Variants in SAMD12 observed in about 807,000 individuals in gnomAD.
The protein encoded by SAMD12 is sterile alpha motif domain-containing protein 12.
A neutral mutation model predicts 15.0 loss-of-function variants in SAMD12; 9 were observed. That is an observed-to-expected ratio of 0.60 (90% CI 0.36 to 1.05). The LOEUF is 1.05. Ranked by LOEUF, SAMD12 falls within the 50% of genes least tolerant of loss-of-function variation. The pLI, the probability that SAMD12 is intolerant of heterozygous loss-of-function variation, is 0.01. For synonymous variants in SAMD12, 86 were observed against 90.1 expected (o/e 0.96, Z 0.25); for missense variants, 230 against 234.2 (o/e 0.98, Z 0.12).
chr8:118,391,795 G>A (rs1490891500), intron 3 of SAMD12, among the ~76,000 whole-genome samples: 1 of 152,180 alleles, frequency 6.6e-6, no homozygotes, highest in Non-Finnish European at 1.5e-5. Context: ...AGAAGAGACA[G>A]TAACATACTT....
intron 2 of SAMD12, among the ~76,000 whole-genome samples, chr8:118,501,377 A>G (rs1824777196): frequency 6.6e-6 from 1 of 152,224 alleles, no homozygotes; most frequent in East Asian, 1.9e-4. Flanking sequence ...AATTAGCTTG[A>G]TTTAGCCATT....
At chr8:118,283,761 A>C (rs1813778271) in intron 4 of SAMD12, among the ~76,000 whole-genome samples, 1 of 152,194 alleles carries the variant, frequency 6.6e-6, no homozygotes, top group African/African-American at 2.4e-5. Flanking sequence ...ATGGGCAAAG[A>C]CTTTAAAGAG....
At chr8:118,337,704 T>G (rs1817153268) in intron 4 of SAMD12, among the ~76,000 whole-genome samples, 2 of 152,220 alleles carry the variant, frequency 1.3e-5, no homozygotes, top group Admixed American at 1.3e-4. Flanking sequence ...TCAGATGGAC[T>G]GTCCTGATAT....
At chr8:118,547,749 G>C (rs1826173736) in intron 2 of SAMD12, among the ~76,000 whole-genome samples, 1 of 152,100 alleles carries the variant, frequency 6.6e-6, no homozygotes, top group Non-Finnish European at 1.5e-5. Flanking sequence ...TATAAAATAT[G>C]TATTTTTCTA....
At chr8:118,146,065 T>C in the SAMD12 span, among the ~76,000 whole-genome samples, 6 of 152,102 alleles carry the variant, frequency 3.9e-5, no homozygotes, top group African/African-American at 9.7e-5. Context: ...CCAGTAAGGG[T>C]AATGACAAGG....
chr8:118,201,674 T>C (rs1819719602), intron 4 of SAMD12, among the ~76,000 whole-genome samples: 2 of 152,344 alleles, frequency 1.3e-5, no homozygotes, highest in East Asian at 3.9e-4. Context: ...TAACTAATGT[T>C]GCATGAGATT....
rs182626322 is a variant in SAMD12, at chr8:118,363,519, G to A, written c.433+16041C>T. ...TCTTTAGACCTGAACTTAAACATTA[G>A]CTCGTCTTGAGTTTTGAGCATGCCA... On this transcript the variant is annotated intron_variant, in intron 4 of 4. Coordinates refer to the SAMD12 transcript ENST00000409003. 7.2e-5 allele frequency among the ~76,000 whole-genome samples: 11 copies of A among 152,132 alleles called. No homozygotes were observed. The East Asian group carries it at 2.1e-3, about 29-fold the overall frequency.
At chr8:118,604,295 G>T (rs1264902155) in intron 1 of SAMD12, among the ~76,000 whole-genome samples, 1 of 152,130 alleles carries the variant, frequency 6.6e-6, no homozygotes, top group Non-Finnish European at 1.5e-5. Context: ...ATCTATATTT[G>T]TATATGAAAT....
At chr8:118,319,292 G>C (rs1466850069) in intron 4 of SAMD12, among the ~76,000 whole-genome samples, 2 of 152,012 alleles carry the variant, frequency 1.3e-5, no homozygotes, top group Non-Finnish European at 1.5e-5. Context: ...AAGAACAAGG[G>C]TCAGCTTATG....
intron 3 of SAMD12, among the ~76,000 whole-genome samples, chr8:118,430,475 G>A (rs1028865837): frequency 2.0e-5 from 3 of 151,672 alleles, no homozygotes; most frequent in African/African-American, 7.3e-5. Flanking sequence ...CGATTCTCCT[G>A]CTTCAGCCTC....
At chr8:118,617,611 A>G (rs1488000441) in intron 1 of SAMD12, among the ~76,000 whole-genome samples, 2 of 152,212 alleles carry the variant, frequency 1.3e-5, no homozygotes, top group South Asian at 2.1e-4. Context: ...TAGACCTGGA[A>G]TAGAAATTAC....
At chr8:118,415,781 A>G (rs940785034) in intron 3 of SAMD12, among the ~76,000 whole-genome samples, 3 of 152,146 alleles carry the variant, frequency 2.0e-5, no homozygotes, top group Non-Finnish European at 2.9e-5. Flanking sequence ...ATCTGCCCAC[A>G]TAAGTCAAAT....
At chr8:118,521,187 A>C (rs1214597879) in intron 2 of SAMD12, among the ~76,000 whole-genome samples, 1 of 152,128 alleles carries the variant, frequency 6.6e-6, no homozygotes, top group Non-Finnish European at 1.5e-5. Context: ...TGCATTGACC[A>C]ATTCTTCACA....
At chr8:118,336,798 G>A (rs1817097704) in intron 4 of SAMD12, among the ~76,000 whole-genome samples, 2 of 152,188 alleles carry the variant, frequency 1.3e-5, no homozygotes, top group African/African-American at 2.4e-5. Context: ...TTAAGAAAAT[G>A]TGGCACATAC....
chr8:118,475,724 C>A (rs879554832), intron 2 of SAMD12, among the ~76,000 whole-genome samples: 10 of 152,104 alleles, frequency 6.6e-5, no homozygotes, highest in East Asian at 1.9e-4. Flanking sequence ...AAATTGGAAT[C>A]AAAAAATAGG....
At position 118,513,861 on chromosome 8, in the gene SAMD12, G is replaced by A. The variant is rs144213680; in HGVS notation, c.192+66854C>T. On this transcript the variant is annotated intron_variant, in intron 2 of 3. Coordinates refer to ENST00000314727, the MANE Select transcript of SAMD12 (RefSeq NM_207506.3). ...TTTTGGGGGAAAATGGGCAGTAGTGGGAATCATTGCTAACCAAAAAGGAAT... is the reference window on the plus strand; with the variant it reads ...TTTTGGGGGAAAATGGGCAGTAGTGAGAATCATTGCTAACCAAAAAGGAAT... Among the ~76,000 whole-genome samples, 361 of 152,242 alleles carry A rather than the reference G, an allele frequency of 2.4e-3. 6 individuals are homozygous for A. Among genetic ancestry groups the A allele is most frequent in the African/African-American group, 8.4e-3 (347 of 41,540 alleles).
At chr8:118,310,003 C>T (rs1436396097) in intron 4 of SAMD12, among the ~76,000 whole-genome samples, 1 of 152,170 alleles carries the variant, frequency 6.6e-6, no homozygotes, top group Non-Finnish European at 1.5e-5. Flanking sequence ...TTACAGCTTC[C>T]CCTACTTTCC....
intron 4 of SAMD12, among the ~76,000 whole-genome samples, chr8:118,264,814 A>G (rs1222131226): frequency 6.6e-6 from 1 of 152,166 alleles, no homozygotes; most frequent in Non-Finnish European, 1.5e-5. Flanking sequence ...AAACTGAGAC[A>G]TGATTGTCCT....
intron 1 of SAMD12, among the ~76,000 whole-genome samples, chr8:118,613,121 G>A (rs1158060990): frequency 6.6e-6 from 1 of 152,192 alleles, no homozygotes; most frequent in African/African-American, 2.4e-5. Flanking sequence ...GTATCTTGAT[G>A]GTGGTAGTGG....
Sources: gnomAD v4.1 joint callset for allele counts (sites outside exome capture counted in the v4.1 genomes callset) on GRCh38, gnomAD v4.1.1 for gene constraint, MANE v1.5 for transcripts, NCBI Gene and HGNC (gene_info 2026-07-23, HGNC 2026-07-21) for gene names.